DUXB: variants seen among roughly 807,000 people sequenced by gnomAD.
The protein encoded by DUXB is double homeobox protein B.
Under a neutral mutation model 8.9 loss-of-function variants are expected in DUXB, and 22 were observed. The observed-to-expected ratio is 2.46, with a 90% CI of 1.76 to 3.52. The LOEUF is 3.52. Ranked by LOEUF, DUXB falls within the 30% of genes most tolerant of loss-of-function variation. The pLI, the probability that DUXB is intolerant of heterozygous loss-of-function variation, is 0.00. For synonymous variants in DUXB, 84 were observed against 37.6 expected (o/e 2.23, Z -4.52); for missense variants, 237 against 108.7 (o/e 2.18, Z -5.25).
In DUXB at chr16:75,700,086, C is replaced by T; in HGVS notation, c.109G>A (p.Asp37Asn). 1 of 702,782 alleles carries T rather than the reference C, an allele frequency of 1.4e-6. No homozygotes were observed. Among genetic ancestry groups the T allele is most frequent in the Non-Finnish European group, 2.6e-6 (1 of 384,956 alleles). The allele number at this position is 702,782 out of a possible 1,614,324, so 43.5% of individuals were successfully genotyped here. A position where few individuals can be genotyped will look rare whatever the true frequency, so the allele number is the denominator to read the frequency against. ...KDILQSWFQH[D>N]PFPDKAAREQ... ...CTGGCAGCTTTATCAGGGAAAGGGT[C>T]ATGTTGAAACCATGATTGGAGGATA... Residue 37 changes from aspartate (D) to asparagine (N), a missense_variant, in exon 2 of 5, where the codon GAC becomes AAC. Coordinates refer to ENST00000633875, the MANE Select transcript of DUXB (RefSeq NM_001351307.2).
chr16:75,696,457 C>G (rs562851587), intron 3 of DUXB, among the ~76,000 whole-genome samples: 7 of 152,258 alleles, frequency 4.6e-5, no homozygotes, highest in African/African-American at 1.7e-4. Flanking sequence ...GAGGCTGAGG[C>G]AGAAGAATCA....
At chr16:75,700,544 G>C (rs1318408422) in intron 1 of DUXB, among the ~76,000 whole-genome samples, 1 of 151,864 alleles carries the variant, frequency 6.6e-6, no homozygotes, top group East Asian at 1.9e-4. Flanking sequence ...TTGAGATGGA[G>C]TCTCGATCTG....
intron 2 of DUXB, among the ~76,000 whole-genome samples, chr16:75,697,710 A>G (rs1157667059): frequency 1.3e-5 from 2 of 152,116 alleles, no homozygotes; most frequent in East Asian, 3.9e-4. Flanking sequence ...GGCGTCCTCA[A>G]CCCCCGGGCC....
At position 75,701,453 on chromosome 16, in the gene DUXB, C is replaced by T. The variant is rs375571838; in HGVS notation, c.-35G>A. On this transcript the variant is annotated 5_prime_UTR_variant, in exon 1 of 5. Transcript: ENST00000633875. Reference sequence around the variant, plus strand: ...AAGACCTGGACTCCACGGAGATCAGCGAGTAACTGAGCAGCTCTCAAAGAC... The same window carrying T: ...AAGACCTGGACTCCACGGAGATCAGTGAGTAACTGAGCAGCTCTCAAAGAC... 3.0e-5 allele frequency: 12 copies of T among 398,570 alleles called. No homozygotes were observed. The highest frequency in any genetic ancestry group is 6.3e-4 in the Middle Eastern group (1 of 1,588). 24.7% of individuals were successfully genotyped at this position (398,570 alleles called of 1,614,324 possible).
chr16:75,699,911 A>C (rs774833609), intron 2 of DUXB, 104 bp downstream of exon 2: 3 of 517,104 alleles, frequency 5.8e-6, no homozygotes, highest in Non-Finnish European at 1.0e-5. Context: ...TCTTAGCAAA[A>C]TACCTGATAT....
At chr16:75,698,010 G>C (rs2082622194) in intron 2 of DUXB, among the ~76,000 whole-genome samples, 1 of 152,094 alleles carries the variant, frequency 6.6e-6, no homozygotes, top group African/African-American at 2.4e-5. Flanking sequence ...CCACAAAACT[G>C]GTCTCTGGTA....
chr16:75,697,271 C>T (rs146482915), intron 2 of DUXB, among the ~76,000 whole-genome samples: 3 of 152,290 alleles, frequency 2.0e-5, no homozygotes, highest in Non-Finnish European at 2.9e-5. Context: ...AGCAGGACTT[C>T]GGTTTCTGAA....
At chr16:75,695,575 G>C (rs1290949812) in intron 4 of DUXB, among the ~76,000 whole-genome samples, 1 of 152,180 alleles carries the variant, frequency 6.6e-6, no homozygotes, top group Non-Finnish European at 1.5e-5. Context: ...GTCACAAATA[G>C]GGGGGAGAGA....
rs956610337 is a variant in DUXB, at chr16:75,701,436, G to A, written c.-18C>T. The A allele has an allele frequency of 4.0e-5, 16 of 398,502 alleles. No homozygotes were observed. The highest frequency in any genetic ancestry group is 6.2e-4 in the Middle Eastern group (1 of 1,612). 24.7% of individuals were successfully genotyped at this position (398,502 alleles called of 1,614,324 possible). On this transcript the variant is annotated 5_prime_UTR_variant, in exon 1 of 5. Coordinates refer to ENST00000633875, the MANE Select transcript of DUXB (RefSeq NM_001351307.2). ...AAATTCATCTTGGGCAGAAGACCTG[G>A]ACTCCACGGAGATCAGCGAGTAACT...
chr16:75,700,866 G>A (rs1597212841), intron 1 of DUXB, among the ~76,000 whole-genome samples: 2 of 151,990 alleles, frequency 1.3e-5, no homozygotes. Flanking sequence ...GCTAAATTGG[G>A]TATATAAACA....
rs1167959305 is a variant in DUXB at position 75,696,929 on chromosome 16, A to C, written c.195T>G (p.Asn65Lys). Residue 65 changes from asparagine to lysine, a missense_variant, in exon 3 of 5, where the codon AAT (asparagine) becomes AAG (lysine). Physicochemically the swap from Asn to Lys is moderately conservative, Grantham distance 94. Coordinates refer to ENST00000633875, the MANE Select transcript of DUXB (RefSeq NM_001351307.2). The part of the protein sequence containing the change: ...PESNIQVWFK[N>K]YRVKQRKLDY... ...CCAGTTTTCTCTGTTTTACTCTGTA[A>C]TTTTTAAACCAAACCTAAGTAGGAG... The C allele has an allele frequency of 2.8e-6, 2 of 702,612 alleles. No individual in the cohort carries two copies. Among genetic ancestry groups the C allele is most frequent in the Admixed American group, 4.0e-5 (2 of 49,912 alleles). 43.5% of individuals were successfully genotyped at this position (702,612 alleles called of 1,614,324 possible).
At chr16:75,696,643 C>T (rs960579079) in intron 3 of DUXB, among the ~76,000 whole-genome samples, 195 bp downstream of exon 3, 8 of 152,182 alleles carry the variant, frequency 5.3e-5, no homozygotes, top group African/African-American at 1.9e-4. Flanking sequence ...GGCCGCTCTG[C>T]CTATGGAGTA....
intron 4 of DUXB, 107 bp from the exon 5 acceptor site, chr16:75,694,632 G>C (rs895234471): frequency 4.2e-5 from 27 of 650,222 alleles, no homozygotes; most frequent in Non-Finnish European, 7.2e-5. Flanking sequence ...ACAAATCACA[G>C]GGTGATTTTA....
chr16:75,699,999 G>T lies in DUXB; in HGVS notation c.180+16C>A, dbSNP rs1446803405. ...CATGGTTCTGACAGGTAATGAAGTA[G>T]AAATCTAATGCCTACCTGAATATTA... On this transcript the variant is annotated intron_variant, in intron 2 of 4. Transcript: ENST00000633875. The T allele has an allele frequency of 8.7e-6, 6 of 688,356 alleles. No individual in the cohort carries two copies. The highest frequency in any genetic ancestry group is 1.6e-5 in the Non-Finnish European group (6 of 379,606). 42.6% of individuals were successfully genotyped at this position (688,356 alleles called of 1,614,324 possible). A position where few individuals can be genotyped will look rare whatever the true frequency, so the allele number is the denominator to read the frequency against.
At chr16:75,695,871 A>G in intron 4 of DUXB, 90 bp downstream of exon 4, 1 of 651,524 alleles carries the variant, frequency 1.5e-6, no homozygotes, top group Middle Eastern at 2.4e-4. Flanking sequence ...TGACTTTGAT[A>G]ACCCAAGTCA....
chr16:75,696,097 G>T lies in DUXB; in HGVS notation c.305C>A (p.Ala102Asp), dbSNP rs1266947011. ...HLTQEYLPKEARQKQTFITWT... is the reference protein window; with the variant it reads ...HLTQEYLPKEDRQKQTFITWT... The stretch of plus-strand genomic sequence containing the variant: ...TGTGATGAATGTCTGTTTTTGTCGG[G>T]CTTCTTTAGGTAAGTATTCTAAAGG... Residue 102 changes from alanine (A) to aspartate (D), a missense_variant, in exon 4 of 5, where the codon GCC becomes GAC. Physicochemically the swap from Ala to Asp is moderately radical, Grantham distance 126. Transcript: ENST00000633875. The T allele has an allele frequency of 1.4e-6, 1 of 702,532 alleles. No homozygotes were observed. Among genetic ancestry groups the T allele is most frequent in the Non-Finnish European group, 2.6e-6 (1 of 384,998 alleles). 43.5% of individuals were successfully genotyped at this position (702,532 alleles called of 1,614,324 possible). A position where few individuals can be genotyped will look rare whatever the true frequency, so the allele number is the denominator to read the frequency against.
At chr16:75,697,390 T>C (rs1019593190) in intron 2 of DUXB, among the ~76,000 whole-genome samples, 1 of 152,236 alleles carries the variant, frequency 6.6e-6, no homozygotes, top group Non-Finnish European at 1.5e-5. Flanking sequence ...GAGAGCAGAA[T>C]TAGCCACAGT....
At chr16:75,695,855 C>T (rs111423451) in intron 4 of DUXB, 106 bp downstream of exon 4, 203 of 634,138 alleles carry the variant, frequency 3.2e-4, no homozygotes, top group African/African-American at 3.1e-3. Context: ...CCGTTTCCGC[C>T]CTTGATGACT....
Position 75,700,113 on chromosome 16 carries a change from C to G in DUXB, c.82G>C (p.Asp28His). The G allele has an allele frequency of 1.4e-6, 1 of 702,798 alleles. No individual in the cohort carries two copies. Among genetic ancestry groups the G allele is most frequent in the Non-Finnish European group, 2.6e-6 (1 of 384,968 alleles). The allele number at this position is 702,798 out of a possible 1,614,324, so 43.5% of individuals were successfully genotyped here. Residue 28 changes from aspartate (D) to histidine (H), a missense_variant, in exon 2 of 5, where the codon GAT becomes CAT. Transcript: ENST00000633875. ...NRIQYNQSQK[D>H]ILQSWFQHDP... ...TGTTGAAACCATGATTGGAGGATAT[C>G]CTTTTGACTCTGGTTATACTGAATT... is the stretch of plus-strand genomic sequence containing the variant.
Sources: gnomAD v4.1 joint callset for allele counts (sites outside exome capture counted in the v4.1 genomes callset) on GRCh38, gnomAD v4.1.1 for gene constraint, MANE v1.5 for transcripts, NCBI Gene and HGNC (gene_info 2026-07-23, HGNC 2026-07-21) for gene names.